Variants in CFAP58 observed in about 807,000 individuals in gnomAD.
The protein encoded by CFAP58 is cilia- and flagella-associated protein 58.
In CFAP58, 88 loss-of-function variants were observed where a neutral mutation model predicts 119.5. The observed-to-expected ratio is 0.74, with a 90% CI of 0.62 to 0.88. The LOEUF (loss-of-function observed/expected upper bound fraction) is 0.88, where lower values mean the gene tolerates loss of function less well. Among genes scored for constraint, CFAP58 ranks in the 40% least tolerant of loss-of-function variants. CFAP58 has a pLI of 0.00. For missense variants in CFAP58, 990 were observed against 1,021.2 expected, an observed-to-expected ratio of 0.97 and a Z score of 0.42; for synonymous variants, 365 against 366.3, an observed-to-expected ratio of 1.00 and a Z score of 0.04.
intron 15 of CFAP58, among the ~76,000 whole-genome samples, chr10:104,447,058 C>T (rs1037722702): frequency 4.6e-5 from 7 of 151,834 alleles, no homozygotes; most frequent in African/African-American, 1.7e-4. Flanking sequence ...CAGTGGTGCA[C>T]AGCTCATTGC....
chr10:104,358,748 A>G, intron 2 of CFAP58, 126 bp downstream of exon 2: 8 of 764,264 alleles, frequency 1.0e-5, no homozygotes, highest in Non-Finnish European at 1.6e-5. Flanking sequence ...ATATTCATTA[A>G]GCCTAAGGAA....
In CFAP58 at chr10:104,406,794, G is replaced by T. The variant is rs1408973155; in HGVS notation, c.2256+1G>T. On this transcript the variant is annotated splice_donor_variant, in intron 15 of 17. Transcript: ENST00000369704. LOFTEE classifies it high-confidence loss of function. ...GGTTGAAAAAGAGCTGCTCCTCCAG[G>T]TAGCATTTTTGTTTTCTGTACTCAT... 3 of 1,613,726 alleles carry T rather than the reference G, an allele frequency of 1.9e-6. No homozygotes were observed. Among genetic ancestry groups the T allele is most frequent in the Non-Finnish European group, 2.5e-6 (3 of 1,179,626 alleles).
chr10:104,416,388 C>T (rs1009554066), intron 15 of CFAP58, among the ~76,000 whole-genome samples: 1 of 152,176 alleles, frequency 6.6e-6, no homozygotes, highest in Non-Finnish European at 1.5e-5. Flanking sequence ...AAATCATGAA[C>T]TGAACTGGAA....
rs150273625 is a variant in CFAP58 at position 104,436,550 on chromosome 10, C to A, written c.2257-11148C>A. On this transcript the variant is annotated intron_variant, in intron 15 of 17. Coordinates refer to ENST00000369704, the MANE Select transcript of CFAP58 (RefSeq NM_001008723.2). ...GAGTAGGCACCGCACATAATGAAAG[C>A]AGGAACAGGAGAGAGTGGGAGGGAA... Among the ~76,000 whole-genome samples the A allele has an allele frequency of 3.8e-3, 572 of 152,162 alleles. 8 individuals are homozygous for A. Among genetic ancestry groups the A allele is most frequent in the Admixed American group, 0.031 (472 of 15,262 alleles).
In CFAP58 at chr10:104,434,760, A is replaced by G. The variant is rs112190193; in HGVS notation, c.2257-12938A>G. On this transcript the variant is annotated intron_variant, in intron 15 of 17. Coordinates refer to ENST00000369704, the MANE Select transcript of CFAP58 (RefSeq NM_001008723.2). ...GTGTCCCTTCTCTGATTCTTGTGAT[A>G]TCACTTGTAACTGTCAAGAATTGCT... Among the ~76,000 whole-genome samples the G allele has an allele frequency of 6.2e-3, 952 of 152,330 alleles. 10 individuals are homozygous for G. Among genetic ancestry groups the G allele is most frequent in the African/African-American group, 0.022 (913 of 41,572 alleles).
intron 4 of CFAP58, 46 bp downstream of exon 4, chr10:104,364,935 T>C (rs765142614): frequency 6.3e-7 from 1 of 1,586,300 alleles, no homozygotes; most frequent in Non-Finnish European, 8.6e-7. Context: ...TTCCAGAGGA[T>C]GTTTGTCCCT....
chr10:104,444,911 C>G (rs1002685790), intron 15 of CFAP58, among the ~76,000 whole-genome samples: 10 of 152,216 alleles, frequency 6.6e-5, no homozygotes, highest in African/African-American at 2.4e-4. Flanking sequence ...TTTGACTACC[C>G]AGACAGCTTT....
intron 16 of CFAP58, 128 bp from the exon 17 acceptor site, chr10:104,449,943 G>GTATC: frequency 1.1e-6 from 1 of 893,674 alleles, no homozygotes; most frequent in Non-Finnish European, 1.7e-6. Context: ...GAAGCATGCA[G>GTATC]ATTAATTGTG....
chr10:104,448,323 G>A (rs1165950223), intron 16 of CFAP58, among the ~76,000 whole-genome samples: 1 of 152,204 alleles, frequency 6.6e-6, no homozygotes, highest in Admixed American at 6.5e-5. Flanking sequence ...CCATGAAAGG[G>A]AAATAAAATC....
the CFAP58 span, among the ~76,000 whole-genome samples, chr10:104,344,676 G>A: frequency 6.6e-6 from 1 of 151,416 alleles, no homozygotes; most frequent in Admixed American, 6.6e-5. Context: ...TCTTAGACTG[G>A]TCTCTGCTGT....
At chr10:104,443,291 T>C (rs1291894886) in intron 15 of CFAP58, among the ~76,000 whole-genome samples, 2 of 152,180 alleles carry the variant, frequency 1.3e-5, no homozygotes, top group South Asian at 2.1e-4. Flanking sequence ...CTTGAACCCA[T>C]TGGGTAAGGC....
intron 7 of CFAP58, among the ~76,000 whole-genome samples, chr10:104,374,720 A>C (rs1387733169): frequency 6.6e-6 from 1 of 151,942 alleles, no homozygotes; most frequent in East Asian, 1.9e-4. Flanking sequence ...AATTGCTATT[A>C]ATTTTCTAGA....
In CFAP58 at chr10:104,393,476, G is replaced by T; in HGVS notation, c.1674+1G>T. The T allele has an allele frequency of 6.2e-7, 1 of 1,610,642 alleles. No individual in the cohort carries two copies. The highest frequency in any genetic ancestry group is 8.5e-7 in the Non-Finnish European group (1 of 1,177,570). ...AGAAAAGGAAAAGGAAACATTGAAG[G>T]TACTGACCTCATAGTAAAAGCAAAG... On this transcript the variant is annotated splice_donor_variant, in intron 11 of 17. Coordinates refer to ENST00000369704, the MANE Select transcript of CFAP58 (RefSeq NM_001008723.2). LOFTEE classifies it high-confidence loss of function.
chr10:104,354,056 C>T (rs2014506681), intron 1 of CFAP58, 150 bp downstream of exon 1: 2 of 958,016 alleles, frequency 2.1e-6, no homozygotes, highest in Non-Finnish European at 3.1e-6. Context: ...CGCCTTTCTC[C>T]GTTGGCTCTG....
chr10:104,363,234 G>A (rs908685288), intron 3 of CFAP58, among the ~76,000 whole-genome samples: 12 of 152,152 alleles, frequency 7.9e-5, no homozygotes, highest in Admixed American at 1.3e-4. Context: ...ATTAGGCTGT[G>A]AACTCCCTGA....
intron 15 of CFAP58, among the ~76,000 whole-genome samples, chr10:104,437,148 A>G (rs1455548265): frequency 1.3e-5 from 2 of 152,188 alleles, no homozygotes; most frequent in African/African-American, 4.8e-5. Context: ...CATCTGGAAA[A>G]TAGGGATAAC....
intron 9 of CFAP58, among the ~76,000 whole-genome samples, chr10:104,390,784 A>G (rs1366800364): frequency 6.6e-6 from 1 of 152,226 alleles, no homozygotes; most frequent in Non-Finnish European, 1.5e-5. Context: ...TTTCACATTT[A>G]TGAATTTATT....
intron 15 of CFAP58, among the ~76,000 whole-genome samples, chr10:104,427,595 A>G (rs895578577): frequency 1.3e-5 from 2 of 152,184 alleles, no homozygotes; most frequent in Non-Finnish European, 2.9e-5. Flanking sequence ...TCTCTAACAC[A>G]CACTCACAAC....
chr10:104,451,356 G>A (rs2013193052), intron 17 of CFAP58, among the ~76,000 whole-genome samples: 1 of 152,190 alleles, frequency 6.6e-6, no homozygotes, highest in Non-Finnish European at 1.5e-5. Flanking sequence ...TTAGATGCCA[G>A]TTCCATGGTA....
Sources: gnomAD v4.1 joint callset for allele counts (sites outside exome capture counted in the v4.1 genomes callset) on GRCh38, gnomAD v4.1.1 for gene constraint, MANE v1.5 for transcripts, NCBI Gene and HGNC (gene_info 2026-07-23, HGNC 2026-07-21) for gene names.